RIMS4: variants seen among roughly 807,000 people sequenced by gnomAD.
RIMS4 encodes regulating synaptic membrane exocytosis protein 4.
Under a neutral mutation model 29.0 loss-of-function variants are expected in RIMS4, and 9 were observed. The observed-to-expected ratio is 0.31, with a 90% CI of 0.19 to 0.54. The LOEUF is 0.54. RIMS4 is among the 20% of genes least tolerant of loss of function. The pLI, the probability that RIMS4 is intolerant of heterozygous loss-of-function variation, is 0.94. For synonymous variants in RIMS4, 130 were observed against 152.9 expected (o/e 0.85, Z 1.10); for missense variants, 193 against 365.7 (o/e 0.53, Z 3.85).
At chr20:44,799,648 G>A (rs1175554408) in intron 1 of RIMS4, among the ~76,000 whole-genome samples, 1 of 152,178 alleles carries the variant, frequency 6.6e-6, no homozygotes, top group Admixed American at 6.5e-5. Context: ...TCCAGGTGGC[G>A]TTCACTAGGG....
At chr20:44,784,684 T>C (rs528138367) in intron 1 of RIMS4, among the ~76,000 whole-genome samples, 1 of 152,376 alleles carries the variant, frequency 6.6e-6, no homozygotes, top group East Asian at 1.9e-4. Context: ...ACTCCTTGGA[T>C]GAGCAGCGCT....
chr20:44,796,310 A>G (rs1324447119), intron 1 of RIMS4, among the ~76,000 whole-genome samples: 5 of 152,202 alleles, frequency 3.3e-5, no homozygotes, highest in Non-Finnish European at 5.9e-5. Flanking sequence ...CCCTCACCCC[A>G]GGAACCAGAA....
chr20:44,754,091 G>C lies in RIMS4; in HGVS notation c.*2043C>G, dbSNP rs573894414. On this transcript the variant is annotated 3_prime_UTR_variant, in exon 6 of 6. Transcript: ENST00000372851. ...AATATTCCAATGGTAAGTAATAAAC[G>C]AACAGCAGAGAAATCACACTGGTTA... is the stretch of plus-strand genomic sequence containing the variant. The C allele has an allele frequency of 6.6e-6, 1 of 152,242 alleles. No individual in the cohort carries two copies. Among genetic ancestry groups the C allele is most frequent in the African/African-American group, 2.4e-5 (1 of 41,442 alleles). The allele number at this position is 152,242 out of a possible 1,614,324, so 9.4% of individuals were successfully genotyped here.
intron 2 of RIMS4, among the ~76,000 whole-genome samples, chr20:44,759,943 T>C (rs73286496): frequency 0.014 from 2,156 of 152,342 alleles, 52 homozygotes; most frequent in African/African-American, 0.049. Flanking sequence ...TACCCCTGGC[T>C]TGCTTTCCCC....
chr20:44,778,455 T>C (rs897160342), intron 1 of RIMS4, among the ~76,000 whole-genome samples: 12 of 152,172 alleles, frequency 7.9e-5, no homozygotes, highest in Non-Finnish European at 1.2e-4. Context: ...ATGGGAGGAC[T>C]GCTTGAGCCC....
chr20:44,802,642 G>A (rs1266998121), intron 1 of RIMS4, among the ~76,000 whole-genome samples: 1 of 152,158 alleles, frequency 6.6e-6, no homozygotes. Context: ...GCATGTAAAG[G>A]CACAGCCATC....
chr20:44,799,278 G>A (rs191334531), intron 1 of RIMS4, among the ~76,000 whole-genome samples: 21 of 152,098 alleles, frequency 1.4e-4, no homozygotes, highest in Non-Finnish European at 1.8e-4. Flanking sequence ...ACTCTAGACT[G>A]GGCAACAGAG....
chr20:44,759,242 G>A (rs538511326), intron 2 of RIMS4, among the ~76,000 whole-genome samples: 17 of 151,686 alleles, frequency 1.1e-4, no homozygotes. Context: ...TTTTTTTGTT[G>A]TTGTTCTGGT....
intron 2 of RIMS4, among the ~76,000 whole-genome samples, chr20:44,765,013 G>C (rs2066107707): frequency 1.3e-5 from 2 of 152,158 alleles, no homozygotes; most frequent in African/African-American, 4.8e-5. Flanking sequence ...AGCACTGATA[G>C]TACTATTTAT....
Position 44,788,612 on chromosome 20 carries a change from A to C in RIMS4, c.98-17199T>G, listed in dbSNP as rs1181189369. Among the ~76,000 whole-genome samples the C allele has an allele frequency of 2.6e-5, 4 of 152,188 alleles. No individual in the cohort carries two copies. The South Asian group carries it at 6.2e-4, about 24-fold the overall frequency. On this transcript the variant is annotated intron_variant, in intron 1 of 5. Coordinates refer to ENST00000372851, the MANE Select transcript of RIMS4 (RefSeq NM_182970.4). The stretch of plus-strand genomic sequence containing the variant: ...ACATAGCGAGACCCTGTCTCTCAAA[A>C]AATTTTGAAAACTAGCCAGTCAAGG...
chr20:44,800,461 T>C (rs762098910), intron 1 of RIMS4, among the ~76,000 whole-genome samples: 3 of 152,100 alleles, frequency 2.0e-5, no homozygotes, highest in Non-Finnish European at 4.4e-5. Context: ...CCCAGGACAC[T>C]TCCCCCGGAT....
At chr20:44,776,160 G>A (rs2066159478) in intron 1 of RIMS4, among the ~76,000 whole-genome samples, 1 of 152,142 alleles carries the variant, frequency 6.6e-6, no homozygotes, top group African/African-American at 2.4e-5. Context: ...GTGGGCACCT[G>A]TAGTCTCAGC....
intron 1 of RIMS4, among the ~76,000 whole-genome samples, chr20:44,786,108 C>T (rs2066207419): frequency 1.3e-5 from 2 of 152,218 alleles, no homozygotes; most frequent in Admixed American, 1.3e-4. Context: ...ACCTGCTGCC[C>T]TACAGCCCCC....
At chr20:44,759,440 G>A (rs539887978) in intron 2 of RIMS4, among the ~76,000 whole-genome samples, 3 of 152,164 alleles carry the variant, frequency 2.0e-5, no homozygotes, top group African/African-American at 7.2e-5. Context: ...GTGTTTTTTA[G>A]TAGAGACAGA....
chr20:44,774,210 C>T (rs1601027952), intron 1 of RIMS4, among the ~76,000 whole-genome samples: 1 of 152,296 alleles, frequency 6.6e-6, no homozygotes, highest in East Asian at 1.9e-4. Flanking sequence ...ATCCATCCCA[C>T]GTGGCTGAGA....
intron 2 of RIMS4, among the ~76,000 whole-genome samples, chr20:44,762,007 G>A (rs375220312): frequency 2.4e-4 from 36 of 152,274 alleles, no homozygotes; most frequent in African/African-American, 7.9e-4. Flanking sequence ...CCAGTTTTGT[G>A]GAAGACAATT....
intron 1 of RIMS4, among the ~76,000 whole-genome samples, chr20:44,783,534 GA>G (rs894459602): frequency 3.5e-4 from 53 of 151,954 alleles, no homozygotes; most frequent in African/African-American, 1.2e-3. Context: ...TGAGGCAGGA[GA>G]ATCACTTGAA....
At chr20:44,764,179 C>CATTT (rs2066101528) in intron 2 of RIMS4, among the ~76,000 whole-genome samples, 1 of 151,416 alleles carries the variant, frequency 6.6e-6, no homozygotes, top group Admixed American at 6.6e-5. Flanking sequence ...TCCATCCATC[C>CATTT]ATCCATCCAT....
chr20:44,770,888 G>A (rs1469927191), intron 2 of RIMS4, among the ~76,000 whole-genome samples: 1 of 152,184 alleles, frequency 6.6e-6, no homozygotes, highest in Non-Finnish European at 1.5e-5. Context: ...AGCACTTAGT[G>A]CCAAACACTG....
Sources: allele counts gnomAD v4.1 joint callset (sites outside exome capture counted in the v4.1 genomes callset), GRCh38; gene constraint gnomAD v4.1.1; transcripts MANE v1.5; gene names NCBI Gene and HGNC (gene_info 2026-07-23, HGNC 2026-07-21).